DLGAP2: variants seen among roughly 807,000 people sequenced by gnomAD.
DLGAP2 encodes disks large-associated protein 2.
In DLGAP2, 26 loss-of-function variants were observed where a neutral mutation model predicts 100.3. The observed-to-expected ratio is 0.26, with a 90% CI of 0.19 to 0.36. DLGAP2 has a LOEUF of 0.36. Among genes scored for constraint, DLGAP2 ranks in the 10% least tolerant of loss-of-function variants. The pLI is 1.00. For synonymous variants in DLGAP2, 886 were observed against 630.1 expected (o/e 1.41, Z -6.08); for missense variants, 1,858 against 1,453.2 (o/e 1.28, Z -4.53).
At chr8:1,551,038 A>T (rs1263989667) in intron 5 of DLGAP2, among the ~76,000 whole-genome samples, 1 of 152,230 alleles carries the variant, frequency 6.6e-6, no homozygotes, top group Non-Finnish European at 1.5e-5. Context: ...CGTGGTGGCA[A>T]ATCCTTCCAG....
At chr8:974,208 A>T (rs900612543) in intron 2 of DLGAP2, among the ~76,000 whole-genome samples, 5 of 152,220 alleles carry the variant, frequency 3.3e-5, no homozygotes, top group African/African-American at 4.8e-5. Flanking sequence ...TCCACAACTA[A>T]GCATTTCATA....
intron 2 of DLGAP2, among the ~76,000 whole-genome samples, chr8:1,149,271 G>A (rs1009007992): frequency 1.3e-4 from 20 of 151,970 alleles, no homozygotes; most frequent in Non-Finnish European, 2.2e-4. Context: ...TCAGCCTCCC[G>A]AGTAGTTGGG....
At chr8:1,251,112 C>A (rs990463334) in intron 2 of DLGAP2, among the ~76,000 whole-genome samples, 2 of 152,184 alleles carry the variant, frequency 1.3e-5, no homozygotes, top group Non-Finnish European at 2.9e-5. Flanking sequence ...ACTTTGTATT[C>A]TTGTCTGCCT....
At chr8:1,386,243 T>A (rs1482014764) in intron 3 of DLGAP2, among the ~76,000 whole-genome samples, 12 of 151,998 alleles carry the variant, frequency 7.9e-5, no homozygotes, top group African/African-American at 2.7e-4. Context: ...GAAAAGGAAA[T>A]TCTAGAAAAA....
At chr8:1,582,690 A>G (rs904914479) in intron 6 of DLGAP2, among the ~76,000 whole-genome samples, 2 of 152,138 alleles carry the variant, frequency 1.3e-5, no homozygotes, top group African/African-American at 4.8e-5. Flanking sequence ...CCTGGGTTCA[A>G]ACGATTCTCC....
intron 4 of DLGAP2, among the ~76,000 whole-genome samples, chr8:1,505,138 C>G (rs544209421): frequency 6.6e-6 from 1 of 152,140 alleles, no homozygotes; most frequent in African/African-American, 2.4e-5. Flanking sequence ...TTCCAATCTC[C>G]TCATCTTTAA....
intron 12 of DLGAP2, among the ~76,000 whole-genome samples, chr8:1,686,655 C>G (rs1047692141): frequency 6.7e-6 from 1 of 149,518 alleles, no homozygotes; most frequent in Non-Finnish European, 1.5e-5. Flanking sequence ...GCCTGGGCAA[C>G]AAGAGGGAGA....
At chr8:1,336,479 G>A (rs939788357) in intron 3 of DLGAP2, among the ~76,000 whole-genome samples, 2 of 152,226 alleles carry the variant, frequency 1.3e-5, no homozygotes, top group African/African-American at 4.8e-5. Context: ...CGTCCGTTAT[G>A]AGGACGTTCC....
intron 5 of DLGAP2, among the ~76,000 whole-genome samples, chr8:1,550,083 C>A (rs552743838): frequency 6.6e-6 from 1 of 152,314 alleles, no homozygotes; most frequent in African/African-American, 2.4e-5. Flanking sequence ...ATGAGTTCAG[C>A]TGTTTCAGAT....
intron 2 of DLGAP2, among the ~76,000 whole-genome samples, chr8:1,196,639 G>A (rs1797757838): frequency 6.6e-6 from 1 of 152,184 alleles, no homozygotes; most frequent in African/African-American, 2.4e-5. Context: ...GTATCTCTGA[G>A]ATGAAAAGAG....
At chr8:1,286,250 CATGATTGTAAG>C (rs1364320660) in intron 3 of DLGAP2, among the ~76,000 whole-genome samples, 2 of 152,136 alleles carry the variant, frequency 1.3e-5, no homozygotes, top group Non-Finnish European at 2.9e-5. Context: ...TGCCTTCTGC[CATGATTGTAAG>C]TTTCCTGAGG....
chr8:792,077 T>C (rs552396369), intron 1 of DLGAP2, among the ~76,000 whole-genome samples: 5 of 152,344 alleles, frequency 3.3e-5, no homozygotes, highest in African/African-American at 1.2e-4. Flanking sequence ...TTTATCAGCC[T>C]TTCATGTTTT....
At chr8:1,059,161 G>A (rs1050032323) in intron 2 of DLGAP2, among the ~76,000 whole-genome samples, 4 of 152,118 alleles carry the variant, frequency 2.6e-5, no homozygotes, top group African/African-American at 9.7e-5. Context: ...CTGGGGCTCT[G>A]TGACAGCTCT....
intron 1 of DLGAP2, among the ~76,000 whole-genome samples, chr8:872,706 A>G (rs892045324): frequency 2.0e-5 from 3 of 152,178 alleles, no homozygotes; most frequent in Admixed American, 6.5e-5. Context: ...AAAGTGTACA[A>G]TCCGCTGGCT....
chr8:1,357,236 A>C (rs1801876387), intron 3 of DLGAP2, among the ~76,000 whole-genome samples: 1 of 152,054 alleles, frequency 6.6e-6, no homozygotes, highest in Non-Finnish European at 1.5e-5. Flanking sequence ...CACAGCTCTC[A>C]GACTGCAGAG....
At chr8:1,305,058 C>T (rs1800456676) in intron 3 of DLGAP2, among the ~76,000 whole-genome samples, 1 of 152,172 alleles carries the variant, frequency 6.6e-6, no homozygotes, top group South Asian at 2.1e-4. Flanking sequence ...TGACCTCCCA[C>T]CTGGAGGTGA....
At chr8:808,541 AAACTG>A (rs1796310622) in intron 1 of DLGAP2, among the ~76,000 whole-genome samples, 1 of 152,200 alleles carries the variant, frequency 6.6e-6, no homozygotes, top group Non-Finnish European at 1.5e-5. Flanking sequence ...GGAACCACAG[AAACTG>A]AAGGGTGGGG....
intron 2 of DLGAP2, among the ~76,000 whole-genome samples, chr8:1,096,063 G>A (rs1804355787): frequency 6.6e-6 from 1 of 151,758 alleles, no homozygotes; most frequent in African/African-American, 2.4e-5. Context: ...CAAAACGTTT[G>A]TTTGTTCAGA....
intron 2 of DLGAP2, among the ~76,000 whole-genome samples, chr8:1,257,935 A>T (rs1382213131): frequency 1.3e-5 from 2 of 152,196 alleles, no homozygotes; most frequent in East Asian, 3.9e-4. Flanking sequence ...GCTGGCTTTG[A>T]ACCCAGGCCT....
Sources: allele counts gnomAD v4.1 joint callset (sites outside exome capture counted in the v4.1 genomes callset), GRCh38; gene constraint gnomAD v4.1.1; transcripts MANE v1.5; gene names NCBI Gene and HGNC (gene_info 2026-07-23, HGNC 2026-07-21).